Variants in SGCD observed in about 807,000 individuals in gnomAD.
SGCD encodes delta-sarcoglycan.
SGCD carries 18 observed loss-of-function variants against 36.6 expected under a neutral mutation model. The ratio of observed to expected loss-of-function variants is 0.49; its 90% CI spans 0.34 to 0.73. SGCD has a LOEUF of 0.73. SGCD is among the 30% of genes least tolerant of loss of function. The pLI, the probability that SGCD is intolerant of heterozygous loss-of-function variation, is 0.01. For synonymous variants in SGCD, 133 were observed against 130.6 expected, an observed-to-expected ratio of 1.02 and a Z score of -0.12; for missense variants, 387 against 346.7, an observed-to-expected ratio of 1.12 and a Z score of -0.92.
At chr5:156,309,642 C>T (rs1276634642) in intron 3 of SGCD, among the ~76,000 whole-genome samples, 1 of 144,040 alleles carries the variant, frequency 6.9e-6, no homozygotes, top group East Asian at 2.1e-4. Context: ...GCACTGTCGC[C>T]TGGGCTGGAA....
At chr5:156,079,143 G>A (rs77909569) in intron 1 of SGCD, among the ~76,000 whole-genome samples, 29,693 of 151,938 alleles carry the variant, frequency 0.2, 3,412 homozygotes, top group Non-Finnish European at 0.26. Flanking sequence ...GAGAGAGGGA[G>A]CAAGAGAGAA....
At chr5:156,300,194 A>G (rs1293289044) in intron 3 of SGCD, among the ~76,000 whole-genome samples, 1 of 152,030 alleles carries the variant, frequency 6.6e-6, no homozygotes, top group Non-Finnish European at 1.5e-5. Flanking sequence ...ATGATTTAAA[A>G]TACATCATTA....
chr5:156,333,118 C>T (rs1768149712), intron 2 of SGCD, among the ~76,000 whole-genome samples: 1 of 152,168 alleles, frequency 6.6e-6, no homozygotes, highest in African/African-American at 2.4e-5. Context: ...TTTCCTACCA[C>T]AGGTTTCATT....
At chr5:156,390,896 A>G (rs1393227622) in intron 3 of SGCD, among the ~76,000 whole-genome samples, 1 of 152,246 alleles carries the variant, frequency 6.6e-6, no homozygotes, top group Non-Finnish European at 1.5e-5. Context: ...AAAGTTTATA[A>G]AGTAAAAGTT....
chr5:155,937,843 G>A (rs1757240591), intron 1 of SGCD, among the ~76,000 whole-genome samples: 1 of 152,212 alleles, frequency 6.6e-6, no homozygotes, highest in Non-Finnish European at 1.5e-5. Flanking sequence ...GTGTTCAGGG[G>A]AGGATTCCCT....
intron 4 of SGCD, among the ~76,000 whole-genome samples, chr5:156,585,210 A>G (rs920448042): frequency 3.9e-5 from 6 of 152,172 alleles, no homozygotes; most frequent in African/African-American, 1.4e-4. Context: ...TCATGACTGG[A>G]AAAAAATTTC....
chr5:156,426,622 A>G (rs1773682938), intron 3 of SGCD, among the ~76,000 whole-genome samples: 3 of 151,926 alleles, frequency 2.0e-5, no homozygotes, highest in Admixed American at 2.0e-4. Flanking sequence ...GTTCTTAGTC[A>G]TGATTTTTCT....
intron 1 of SGCD, among the ~76,000 whole-genome samples, chr5:155,884,025 G>A (rs1755948314): frequency 6.6e-6 from 1 of 152,094 alleles, no homozygotes; most frequent in Non-Finnish European, 1.5e-5. Context: ...CCCATGAAGA[G>A]ACTTCACTCC....
chr5:156,682,880 A>G (rs1753774949), intron 7 of SGCD, among the ~76,000 whole-genome samples: 1 of 152,242 alleles, frequency 6.6e-6, no homozygotes, highest in South Asian at 2.1e-4. Context: ...CACACAGTAG[A>G]ATAATGGGCA....
intron 1 of SGCD, among the ~76,000 whole-genome samples, chr5:156,104,443 A>G (rs776893963): frequency 3.3e-5 from 5 of 152,142 alleles, no homozygotes; most frequent in Non-Finnish European, 5.9e-5. Context: ...TCTAAGAGGG[A>G]CCTGCCTGAT....
At chr5:156,123,315 A>C (rs189341157) in intron 2 of SGCD, among the ~76,000 whole-genome samples, 69 of 152,264 alleles carry the variant, frequency 4.5e-4, no homozygotes, top group African/African-American at 1.5e-3. Context: ...CTGAGCCCTA[A>C]GATCTCCTTA....
chr5:156,005,130 G>A (rs1758731145), intron 1 of SGCD, among the ~76,000 whole-genome samples: 1 of 152,094 alleles, frequency 6.6e-6, no homozygotes, highest in South Asian at 2.1e-4. Context: ...ATGCACAGGT[G>A]GATAATAGGA....
At chr5:155,734,166 TATTA>T in the SGCD span, among the ~76,000 whole-genome samples, 7 of 147,738 alleles carry the variant, frequency 4.7e-5, no homozygotes, top group South Asian at 2.1e-4. Flanking sequence ...ACTGTTATTA[TATTA>T]ATTAATAATA....
the SGCD span, among the ~76,000 whole-genome samples, chr5:155,735,295 T>G: frequency 6.6e-6 from 1 of 152,336 alleles, no homozygotes; most frequent in South Asian, 2.1e-4. Context: ...TGATGTTGCT[T>G]AAGATGTAAT....
intron 6 of SGCD, among the ~76,000 whole-genome samples, chr5:156,629,263 C>T (rs986818995): frequency 6.6e-6 from 1 of 152,314 alleles, no homozygotes; most frequent in South Asian, 2.1e-4. Context: ...TGCCCGATGA[C>T]ATGTCAACAC....
the SGCD span, among the ~76,000 whole-genome samples, chr5:155,845,167 A>C: frequency 6.6e-6 from 1 of 152,118 alleles, no homozygotes; most frequent in African/African-American, 2.4e-5. Context: ...GAGAATGTCC[A>C]TCATCTTATT....
chr5:156,084,715 A>T (rs1284590879), intron 1 of SGCD, among the ~76,000 whole-genome samples: 1 of 152,162 alleles, frequency 6.6e-6, no homozygotes, highest in Non-Finnish European at 1.5e-5. Context: ...GCTGACTAGG[A>T]TTTCCAGTAC....
chr5:156,104,534 T>G (rs1255961798), intron 1 of SGCD, among the ~76,000 whole-genome samples: 1 of 152,146 alleles, frequency 6.6e-6, no homozygotes, highest in Non-Finnish European at 1.5e-5. Flanking sequence ...TTTAGGTCAT[T>G]GGGGTACATA....
Position 156,123,969 on chromosome 5 carries a change from A to G in SGCD, c.-94A>G, listed in dbSNP as rs539616704. ...GCCTGAGGGGATTTTCTTAATCCCAATGTTGCCCTGAAATTTATGTCCAGG... is the reference window on the plus strand; with the variant it reads ...GCCTGAGGGGATTTTCTTAATCCCAGTGTTGCCCTGAAATTTATGTCCAGG... On this transcript the variant is annotated 5_prime_UTR_variant, in exon 3 of 10. Transcript: ENST00000517913. 6.6e-5 allele frequency: 10 copies of G among 152,296 alleles called. 1 individual carries two copies. The highest frequency in any genetic ancestry group is 2.2e-4 in the African/African-American group (9 of 41,572). The allele number at this position is 152,296 out of a possible 1,614,324, so 9.4% of individuals were successfully genotyped here. A position where few individuals can be genotyped will look rare whatever the true frequency, so the allele number is the denominator to read the frequency against.
Sources: allele counts gnomAD v4.1 joint callset (sites outside exome capture counted in the v4.1 genomes callset), GRCh38; gene constraint gnomAD v4.1.1; transcripts MANE v1.5; gene names NCBI Gene and HGNC (gene_info 2026-07-23, HGNC 2026-07-21).